Variants in HPSE2 observed in about 807,000 individuals in gnomAD.
HPSE2 encodes heparanase 2 (inactive).
Under a neutral mutation model 60.5 loss-of-function variants are expected in HPSE2, and 38 were observed. The observed-to-expected ratio is 0.63, with a 90% confidence interval of 0.48 to 0.82. HPSE2 has a LOEUF of 0.82. Among genes scored for constraint, HPSE2 ranks in the 40% least tolerant of loss-of-function variants. The probability of loss-of-function intolerance (pLI) is 0.00; values close to 1 mark genes in which losing one functional copy is unlikely to be tolerated. For missense variants in HPSE2, 713 were observed against 740.4 expected (o/e 0.96, Z 0.43); for synonymous variants, 295 against 293.2 (o/e 1.01, Z -0.06).
chr10:98,488,293 A>G (rs989997228), intron 10 of HPSE2, among the ~76,000 whole-genome samples: 7 of 152,234 alleles, frequency 4.6e-5, no homozygotes, highest in Non-Finnish European at 1.0e-4. Flanking sequence ...AAAGGGGAAG[A>G]AAGCTCTAAC....
At chr10:98,620,416 A>G (rs916312488) in intron 8 of HPSE2, among the ~76,000 whole-genome samples, 186 bp downstream of exon 8, 6 of 152,228 alleles carry the variant, frequency 3.9e-5, no homozygotes, top group African/African-American at 1.4e-4. Flanking sequence ...TGTGCCTGAC[A>G]TTTTAATATC....
chr10:99,309,565 C>A, the HPSE2 span, among the ~76,000 whole-genome samples: 2 of 152,288 alleles, frequency 1.3e-5, no homozygotes, highest in Admixed American at 1.3e-4. Flanking sequence ...GGTCAGCAAA[C>A]GATTATGCAC....
chr10:98,694,953 C>A (rs1948173327), intron 5 of HPSE2, among the ~76,000 whole-genome samples: 1 of 152,160 alleles, frequency 6.6e-6, no homozygotes, highest in Admixed American at 6.5e-5. Flanking sequence ...CTGAAGAATT[C>A]TTCCTCCAGG....
chr10:99,306,111 G>C, the HPSE2 span, among the ~76,000 whole-genome samples: 4 of 151,726 alleles, frequency 2.6e-5, no homozygotes, highest in African/African-American at 9.7e-5. Flanking sequence ...AGACTTATGG[G>C]ACATGGGCAA....
chr10:98,905,025 G>A (rs887783085), intron 3 of HPSE2, among the ~76,000 whole-genome samples: 10 of 151,986 alleles, frequency 6.6e-5, no homozygotes, highest in African/African-American at 2.2e-4. Flanking sequence ...ATACCTTATC[G>A]CCAGCTCTTA....
intron 3 of HPSE2, among the ~76,000 whole-genome samples, chr10:98,802,584 T>C (rs1011975071): frequency 1.3e-5 from 2 of 150,218 alleles, no homozygotes; most frequent in African/African-American, 2.5e-5. Flanking sequence ...GGTTTTTTGT[T>C]CTTGCGATAG....
intron 3 of HPSE2, among the ~76,000 whole-genome samples, chr10:98,876,139 A>T (rs1490696866): frequency 1.3e-5 from 2 of 151,992 alleles, no homozygotes; most frequent in Non-Finnish European, 2.9e-5. Context: ...TATTCAATAA[A>T]TGTCAGCTAT....
intron 3 of HPSE2, among the ~76,000 whole-genome samples, chr10:98,909,605 GGCGACAGAGTGAGGCTCC>G (rs1411144321): frequency 2.7e-5 from 4 of 150,902 alleles, no homozygotes; most frequent in Non-Finnish European, 5.9e-5. Context: ...ACCCAGCCTG[GGCGACAGAGTGAGGCTCC>G]GTCTCAAAAT....
At chr10:98,848,305 C>G (rs1039592577) in intron 3 of HPSE2, among the ~76,000 whole-genome samples, 13 of 152,054 alleles carry the variant, frequency 8.5e-5, no homozygotes, top group Admixed American at 7.2e-4. Context: ...GTAATCCCAG[C>G]TACTCAGGAA....
At chr10:98,523,149 C>T (rs1218569022) in intron 9 of HPSE2, among the ~76,000 whole-genome samples, 1 of 152,148 alleles carries the variant, frequency 6.6e-6, no homozygotes, top group Non-Finnish European at 1.5e-5. Flanking sequence ...ATCACCTTGT[C>T]CTTACTATTC....
At chr10:99,247,038 A>G in the HPSE2 span, among the ~76,000 whole-genome samples, 2 of 152,192 alleles carry the variant, frequency 1.3e-5, no homozygotes, top group African/African-American at 2.4e-5. Context: ...TAGAAATCAT[A>G]TAGTTCAGGA....
At chr10:98,801,433 T>G (rs2488840) in intron 3 of HPSE2, among the ~76,000 whole-genome samples, 8,361 of 152,192 alleles carry the variant, frequency 0.055, 740 homozygotes, top group African/African-American at 0.19. Flanking sequence ...TGTTTGCAGA[T>G]TATATGATCT....
chr10:99,193,041 G>C (rs144279322), intron 2 of HPSE2, among the ~76,000 whole-genome samples: 285 of 152,156 alleles, frequency 1.9e-3, no homozygotes, highest in African/African-American at 6.2e-3. Context: ...ATCTTGAATA[G>C]AAAGACTAAA....
chr10:98,522,265 A>C lies in HPSE2; in HGVS notation c.1321-32069T>G, dbSNP rs142232364. 5.6e-3 allele frequency among the ~76,000 whole-genome samples: 848 copies of C among 152,044 alleles called. 13 individuals carry two copies. The highest frequency in any genetic ancestry group is 0.017 in the African/African-American group (701 of 41,412). On this transcript the variant is annotated intron_variant, in intron 9 of 11. Transcript: ENST00000370552. The stretch of plus-strand genomic sequence containing the variant: ...AAACTCTTCAATATGCAAAAAAAAA[A>C]CAATAAAACAAAATAATTTAAAAAA...
chr10:98,788,905 C>T (rs945847129), intron 3 of HPSE2, among the ~76,000 whole-genome samples: 1 of 152,106 alleles, frequency 6.6e-6, no homozygotes, highest in African/African-American at 2.4e-5. Context: ...CACCCGTCTT[C>T]TGCGTCGCTC....
chr10:98,757,766 C>A (rs1949910859), intron 3 of HPSE2, among the ~76,000 whole-genome samples: 1 of 151,988 alleles, frequency 6.6e-6, no homozygotes, highest in Admixed American at 6.6e-5. Flanking sequence ...CCATACTGCC[C>A]AAAGCAATTT....
chr10:98,676,959 T>A lies in HPSE2; in HGVS notation c.1004+16941A>T, dbSNP rs117539969. ...CTAAGTTCCATATGTCATTAATGGT[T>A]CTCTTTCCTCCCTTTCCCTTTTAAA... On this transcript the variant is annotated intron_variant, in intron 6 of 11. Coordinates refer to ENST00000370552, the MANE Select transcript of HPSE2 (RefSeq NM_021828.5). Among the ~76,000 whole-genome samples the A allele has an allele frequency of 2.6e-3, 395 of 152,092 alleles. 1 individual carries two copies. The highest frequency in any genetic ancestry group is 4.3e-3 in the Non-Finnish European group (290 of 67,984).
intron 9 of HPSE2, among the ~76,000 whole-genome samples, chr10:98,530,193 G>A (rs1943087212): frequency 6.6e-6 from 1 of 152,154 alleles, no homozygotes; most frequent in African/African-American, 2.4e-5. Flanking sequence ...GGATGAGGTG[G>A]GGTGGGGTTT....
intron 3 of HPSE2, among the ~76,000 whole-genome samples, chr10:99,122,025 C>T (rs1844973857): frequency 6.6e-6 from 1 of 151,934 alleles, no homozygotes; most frequent in Non-Finnish European, 1.5e-5. Context: ...AGATAACAGG[C>T]ACATACTGTA....
Sources: allele counts gnomAD v4.1 joint callset (sites outside exome capture counted in the v4.1 genomes callset), GRCh38; gene constraint gnomAD v4.1.1; transcripts MANE v1.5; gene names NCBI Gene and HGNC (gene_info 2026-07-23, HGNC 2026-07-21).